Variants in BICC1 observed in about 807,000 individuals in gnomAD.
The protein encoded by BICC1 is BicC family RNA binding protein 1.
BICC1 carries 43 observed loss-of-function variants against 111.0 expected under a neutral mutation model. That is an observed-to-expected ratio of 0.39 (90% CI 0.30 to 0.50). The LOEUF (loss-of-function observed/expected upper bound fraction) is 0.50, where lower values mean the gene tolerates loss of function less well. Ranked by LOEUF, BICC1 falls within the 20% of genes least tolerant of loss-of-function variation. BICC1 has a pLI of 0.88. For missense variants in BICC1, 1,091 were observed against 1,203.2 expected (o/e 0.91, Z 1.38); for synonymous variants, 467 against 434.4 (o/e 1.07, Z -0.93).
chr10:58,796,299 C>T, intron 9 of BICC1, 41 bp from the exon 10 acceptor site: 1 of 1,572,304 alleles, frequency 6.4e-7, no homozygotes, highest in Non-Finnish European at 8.7e-7. Context: ...TTGTAGACTA[C>T]TTGCATGTCA....
At chr10:58,771,192 A>C (rs924201259) in intron 3 of BICC1, among the ~76,000 whole-genome samples, 1 of 152,140 alleles carries the variant, frequency 6.6e-6, no homozygotes, top group Admixed American at 6.5e-5. Context: ...AAAGTGATTG[A>C]GAATGTAACA....
chr10:58,739,476 C>T (rs992461438), intron 3 of BICC1, among the ~76,000 whole-genome samples: 21 of 152,036 alleles, frequency 1.4e-4, no homozygotes, highest in African/African-American at 3.6e-4. Context: ...CTGCTGTATT[C>T]GGTTTGCCAG....
intron 1 of BICC1, among the ~76,000 whole-genome samples, chr10:58,556,025 T>C (rs1222245065): frequency 6.6e-6 from 1 of 152,138 alleles, no homozygotes; most frequent in Admixed American, 6.6e-5. Flanking sequence ...CCATCAATTA[T>C]AGAATGAGAA....
rs1841569122 is a variant in BICC1 at position 58,739,064 on chromosome 10, A to C, written c.307+36921A>C. 1.3e-5 allele frequency among the ~76,000 whole-genome samples: 2 copies of C among 152,090 alleles called. 1 individual carries two copies. The highest frequency in any genetic ancestry group is 4.2e-4 in the South Asian group (2 of 4,816). Reference sequence around the variant, plus strand: ...ATTTGACTTCCTCTTTTCCTAATTGAATACCCTTTATTTCCTTCTCTTGCC... The same window carrying C: ...ATTTGACTTCCTCTTTTCCTAATTGCATACCCTTTATTTCCTTCTCTTGCC... On this transcript the variant is annotated intron_variant, in intron 3 of 20. Coordinates refer to ENST00000373886, the MANE Select transcript of BICC1 (RefSeq NM_001080512.3).
intron 3 of BICC1, among the ~76,000 whole-genome samples, chr10:58,743,125 T>G (rs112353365): frequency 3.9e-5 from 6 of 152,304 alleles, no homozygotes; most frequent in African/African-American, 1.4e-4. Context: ...TGGTGGTGGT[T>G]GTTCGGGAAA....
intron 1 of BICC1, among the ~76,000 whole-genome samples, chr10:58,520,907 T>A (rs1842370396): frequency 6.6e-6 from 1 of 152,134 alleles, no homozygotes; most frequent in Non-Finnish European, 1.5e-5. Flanking sequence ...ATTTTGAGTT[T>A]GTACCATATG....
In BICC1 at chr10:58,604,401, G is replaced by A. The variant is rs546789406; in HGVS notation, c.191-16454G>A. Among the ~76,000 whole-genome samples, 709 of 152,278 alleles carry A rather than the reference G, an allele frequency of 4.7e-3. 7 individuals carry two copies. Among genetic ancestry groups the A allele is most frequent in the South Asian group, 0.033 (158 of 4,822 alleles). ...AAAAAATTAAGCGGCTGGGCGTGGT[G>A]GCTCATGCCTGTAATCCCAGCACTT... On this transcript the variant is annotated intron_variant, in intron 1 of 20. Coordinates refer to ENST00000373886, the MANE Select transcript of BICC1 (RefSeq NM_001080512.3).
At chr10:58,594,204 C>G (rs2132049351) in intron 1 of BICC1, among the ~76,000 whole-genome samples, 1 of 151,982 alleles carries the variant, frequency 6.6e-6, no homozygotes, top group East Asian at 1.9e-4. Context: ...TGAACAAATC[C>G]TCCAGGAAGT....
At chr10:58,777,995 G>A (rs1160027546) in intron 3 of BICC1, among the ~76,000 whole-genome samples, 2 of 151,962 alleles carry the variant, frequency 1.3e-5, no homozygotes, top group Non-Finnish European at 2.9e-5. Flanking sequence ...CGAGTCAATG[G>A]GTTTCTTGAG....
intron 2 of BICC1, among the ~76,000 whole-genome samples, chr10:58,673,411 A>AT (rs1839240652): frequency 6.6e-6 from 1 of 152,100 alleles, no homozygotes; most frequent in South Asian, 2.1e-4. Flanking sequence ...CCTTAGGCTT[A>AT]ATTGGACTCA....
chr10:58,765,810 T>C (rs1842441297), intron 3 of BICC1, among the ~76,000 whole-genome samples: 1 of 152,200 alleles, frequency 6.6e-6, no homozygotes, highest in Admixed American at 6.5e-5. Flanking sequence ...AAAAAGCTGA[T>C]GCCAATTTCA....
At chr10:58,590,470 C>A (rs991486351) in intron 1 of BICC1, among the ~76,000 whole-genome samples, 48 of 152,124 alleles carry the variant, frequency 3.2e-4, no homozygotes, top group African/African-American at 1.0e-3. Flanking sequence ...CTTAAAATTT[C>A]TTCTTAATAA....
intron 1 of BICC1, among the ~76,000 whole-genome samples, chr10:58,577,080 G>A (rs1311265007): frequency 6.6e-6 from 1 of 152,108 alleles, no homozygotes; most frequent in Non-Finnish European, 1.5e-5. Flanking sequence ...GATCAGATGA[G>A]GTTGGTTTCC....
At chr10:58,672,647 C>T (rs1470640522) in intron 2 of BICC1, among the ~76,000 whole-genome samples, 1 of 152,168 alleles carries the variant, frequency 6.6e-6, no homozygotes, top group African/African-American at 2.4e-5. Context: ...CTATAAGCCT[C>T]ACAAGAGCAG....
chr10:58,549,326 A>G (rs1225342150), intron 1 of BICC1, among the ~76,000 whole-genome samples: 3 of 152,194 alleles, frequency 2.0e-5, no homozygotes, highest in Admixed American at 6.5e-5. Flanking sequence ...GCTATATTAT[A>G]TGATAGAGAC....
In BICC1 at chr10:58,829,663, A is replaced by G. The variant is rs1232732651; in HGVS notation, c.*772A>G. 6.6e-6 allele frequency: 1 copy of G among 152,210 alleles called. No homozygotes were observed. Among genetic ancestry groups the G allele is most frequent in the Admixed American group, 6.5e-5 (1 of 15,270 alleles). The allele number at this position is 152,210 out of a possible 1,614,324, so 9.4% of individuals were successfully genotyped here. ...TAGTTCACAGTAATAGGTGCAAAGAAAGACCAAATGGACTTTGCAGTATTA... is the reference window on the plus strand; with the variant it reads ...TAGTTCACAGTAATAGGTGCAAAGAGAGACCAAATGGACTTTGCAGTATTA... On this transcript the variant is annotated 3_prime_UTR_variant, in exon 21 of 21. Coordinates refer to ENST00000373886, the MANE Select transcript of BICC1 (RefSeq NM_001080512.3).
chr10:58,768,542 A>G (rs1842522695), intron 3 of BICC1, among the ~76,000 whole-genome samples: 1 of 152,210 alleles, frequency 6.6e-6, no homozygotes, highest in Middle Eastern at 3.2e-3. Flanking sequence ...ATAAATATGT[A>G]GGCAAATTCA....
At chr10:58,549,651 A>T (rs1484700720) in intron 1 of BICC1, among the ~76,000 whole-genome samples, 92 of 117,158 alleles carry the variant, frequency 7.9e-4, no homozygotes, top group African/African-American at 1.2e-3. Context: ...TGTTGTTGTT[A>T]TTGTTGAGTT....
At chr10:58,756,968 A>G (rs1486744733) in intron 3 of BICC1, among the ~76,000 whole-genome samples, 2 of 152,166 alleles carry the variant, frequency 1.3e-5, no homozygotes, top group East Asian at 3.8e-4. Flanking sequence ...GCTATTTTCA[A>G]ATAATTTTCA....
Sources: gnomAD v4.1 joint callset for allele counts (sites outside exome capture counted in the v4.1 genomes callset) on GRCh38, gnomAD v4.1.1 for gene constraint, MANE v1.5 for transcripts, NCBI Gene and HGNC (gene_info 2026-07-23, HGNC 2026-07-21) for gene names.